Variants in WNT7B observed in about 807,000 individuals in gnomAD.
The protein encoded by WNT7B is Wnt family member 7B.
WNT7B carries 19 observed loss-of-function variants against 38.2 expected under a neutral mutation model. The observed-to-expected ratio is 0.50, with a 90% CI of 0.35 to 0.73. The LOEUF (loss-of-function observed/expected upper bound fraction) is 0.73. Ranked by LOEUF, WNT7B falls within the 30% of genes least tolerant of loss-of-function variation. WNT7B has a pLI of 0.01. For missense variants in WNT7B, 423 were observed against 507.9 expected (o/e 0.83, Z 1.61); for synonymous variants, 243 against 209.3 (o/e 1.16, Z -1.39).
rs1350785229 is a variant in WNT7B, at chr22:45,931,388, G to A, written c.299-19C>T. ...CGGCTCCCTGCGGGGACAGACAGGT[G>A]CAGAAGGTGAGACCCCAGGCCCTGG... is the stretch of plus-strand genomic sequence containing the variant. On this transcript the variant is annotated intron_variant, in intron 2 of 3. Transcript: ENST00000339464. 6.4e-7 allele frequency: 1 copy of A among 1,569,350 alleles called. No individual in the cohort carries two copies. The highest frequency in any genetic ancestry group is 8.6e-7 in the Non-Finnish European group (1 of 1,162,058).
At chr22:45,942,696 G>A (rs1173767538) in intron 2 of WNT7B, among the ~76,000 whole-genome samples, 1 of 152,222 alleles carries the variant, frequency 6.6e-6, no homozygotes, top group African/African-American at 2.4e-5. Flanking sequence ...CACCTCATGG[G>A]GTCCTACGTG....
chr22:45,925,796 A>G (rs761932737), intron 3 of WNT7B: 154 of 984,796 alleles, frequency 1.6e-4, no homozygotes, highest in Non-Finnish European at 1.7e-4. Context: ...GGAGAAGTTC[A>G]CCCCACCCCG....
At chr22:45,931,404 CAGGCCCTGGGCCAGGT>C (rs1473058943) in intron 2 of WNT7B, 35 bp from the exon 3 acceptor site, 2 of 1,546,280 alleles carry the variant, frequency 1.3e-6, no homozygotes, top group East Asian at 4.6e-5. Flanking sequence ...GGTGAGACCC[CAGGCCCTGGGCCAGGT>C]GGGCTCAGGG....
rs1366836361 is a variant in WNT7B at position 45,965,789 on chromosome 22, C to A, written c.71+10895G>T. ...GGAGGCAGCCCCTGCAACCTTGAGACCCTCGCTCAGGGCCCCGGGGACTCT... is the reference window on the plus strand; with the variant it reads ...GGAGGCAGCCCCTGCAACCTTGAGAACCTCGCTCAGGGCCCCGGGGACTCT... On this transcript the variant is annotated intron_variant, in intron 1 of 3. Transcript: ENST00000339464. The surrounding 1 kb of genome is among the most constrained non-coding windows in gnomAD (Gnocchi z 6.5). Among the ~76,000 whole-genome samples the A allele has an allele frequency of 1.3e-5, 2 of 152,228 alleles. No individual in the cohort carries two copies. The highest frequency in any genetic ancestry group is 2.9e-5 in the Non-Finnish European group (2 of 68,032).
rs767458467 is a variant in WNT7B, at chr22:45,923,094, A to G, written c.812T>C (p.Ile271Thr). ...CTCGCAGTAGTTGGGCGACTTCTCAATGTACACCAGGTCTGTCTCCATGGG... is the reference window on the plus strand; with the variant it reads ...CTCGCAGTAGTTGGGCGACTTCTCAGTGTACACCAGGTCTGTCTCCATGGG... ...QKPMETDLVYIEKSPNYCEED... is the reference protein window; with the variant it reads ...QKPMETDLVYTEKSPNYCEED... Residue 271 changes from isoleucine (I) to threonine (T), a missense_variant, in exon 4 of 4, where the codon ATT becomes ACT. Physicochemically the swap from Ile to Thr is moderately conservative, Grantham distance 89. Transcript: ENST00000339464. The G allele has an allele frequency of 2.5e-6, 4 of 1,613,634 alleles. No homozygotes were observed. The highest frequency in any genetic ancestry group is 1.7e-5 in the Admixed American group (1 of 60,032).
Position 45,950,053 on chromosome 22 carries a change from C to T in WNT7B, c.165G>A (p.Arg55=), listed in dbSNP as rs761116915. Residue 55 remains arginine (R), a synonymous_variant, in exon 2 of 4, where the codon CGG becomes CGA. Coordinates refer to ENST00000339464, the MANE Select transcript of WNT7B (RefSeq NM_058238.3). ...CCCCAATCACAATGATGGCATCGGG[C>T]CGACTCTGGCAGATGGCACGCTGCC... ...APRQRAICQS[R]PDAIIVIGEG... is the part of the protein sequence containing the mutation. 6.2e-7 allele frequency: 1 copy of T among 1,614,048 alleles called. No homozygotes were observed.
chr22:45,942,256 G>A lies in WNT7B; in HGVS notation c.298+7664C>T, dbSNP rs1022030391. Among the ~76,000 whole-genome samples, 4 of 152,232 alleles carry A rather than the reference G, an allele frequency of 2.6e-5. No homozygotes were observed. The South Asian group carries it at 8.3e-4, about 31-fold the overall frequency. ...GGTCTCGGTCTAGACAGGACTCAAA[G>A]TGGCTGTTGGGCACAGAAGCTGGAA... is the stretch of plus-strand genomic sequence containing the variant. On this transcript the variant is annotated intron_variant, in intron 2 of 3. Transcript: ENST00000339464.
At chr22:45,961,020 C>A (rs1932184002) in intron 1 of WNT7B, among the ~76,000 whole-genome samples, 1 of 152,192 alleles carries the variant, frequency 6.6e-6, no homozygotes, top group Non-Finnish European at 1.5e-5. Flanking sequence ...TGCAGACTGG[C>A]CAGATGGGTA....
chr22:45,943,940 C>T (rs1407824107), intron 2 of WNT7B, among the ~76,000 whole-genome samples: 1 of 152,196 alleles, frequency 6.6e-6, no homozygotes, highest in Non-Finnish European at 1.5e-5. Flanking sequence ...TGGCCCAGGG[C>T]TCTGGAGCCT....
chr22:45,973,131 G>C (rs1352465881), intron 1 of WNT7B, among the ~76,000 whole-genome samples: 1 of 152,262 alleles, frequency 6.6e-6, no homozygotes, highest in African/African-American at 2.4e-5. Context: ...TCACACAGAG[G>C]CTTCCCCACT....
rs559883479 is a variant in WNT7B at position 45,936,446 on chromosome 22, G to A, written c.299-5077C>T. ...GGCTGGAAACAGCCTCTTCCCCAAG[G>A]CCAGCCCCATCGGCCCTGCCCAGCT... On this transcript the variant is annotated intron_variant, in intron 2 of 3. Transcript: ENST00000339464. Among the ~76,000 whole-genome samples, 11 of 152,334 alleles carry A rather than the reference G, an allele frequency of 7.2e-5. No homozygotes were observed. In the South Asian group the frequency reaches 2.3e-3, roughly 32 times the overall value.
intron 3 of WNT7B, among the ~76,000 whole-genome samples, chr22:45,923,967 C>T (rs1931004934): frequency 6.6e-6 from 1 of 152,198 alleles, no homozygotes. Flanking sequence ...GTTCTTTCTC[C>T]CCAGCTCCAC....
intron 1 of WNT7B, among the ~76,000 whole-genome samples, chr22:45,956,665 C>T (rs1932069382): frequency 6.6e-6 from 1 of 152,192 alleles, no homozygotes; most frequent in Non-Finnish European, 1.5e-5. Context: ...CGTCTGTCAA[C>T]AGGAGGATAG....
intron 2 of WNT7B, among the ~76,000 whole-genome samples, chr22:45,943,655 G>A (rs1266691212): frequency 3.3e-5 from 5 of 152,058 alleles, no homozygotes; most frequent in Non-Finnish European, 7.4e-5. Context: ...GAGAGCCTGC[G>A]GGCTTCTCTG....
chr22:45,970,449 A>T (rs1464110943), intron 1 of WNT7B, among the ~76,000 whole-genome samples: 3 of 151,818 alleles, frequency 2.0e-5, no homozygotes, highest in African/African-American at 7.3e-5. Context: ...CTTGCCCCAG[A>T]GGCCCCTCAC....
intron 3 of WNT7B, among the ~76,000 whole-genome samples, chr22:45,928,865 A>G (rs1372151670): frequency 1.3e-5 from 2 of 151,898 alleles, no homozygotes; most frequent in East Asian, 1.9e-4. Context: ...ACCGCATACC[A>G]CGACATACCA....
intron 1 of WNT7B, among the ~76,000 whole-genome samples, chr22:45,952,552 G>A (rs1213348215): frequency 2.0e-5 from 3 of 152,248 alleles, no homozygotes; most frequent in Admixed American, 1.3e-4. Context: ...AGATGGATGG[G>A]AACCCTGCCG....
At chr22:45,929,948 C>CCATCCTCTCATACATCTACCCACCCATG (rs1569111655) in intron 3 of WNT7B, among the ~76,000 whole-genome samples, 1 of 149,858 alleles carries the variant, frequency 6.7e-6, no homozygotes. Flanking sequence ...ATCCTTCCAT[C>CCATCCTCTCATACATCTACCCACCCATG]CATCCACTCA....
intron 1 of WNT7B, among the ~76,000 whole-genome samples, chr22:45,952,719 C>T (rs1931962225): frequency 6.6e-6 from 1 of 152,204 alleles, no homozygotes; most frequent in African/African-American, 2.4e-5. Context: ...TAGTGTGGAC[C>T]CTGGGGGTGG....
Sources: gnomAD v4.1 joint callset for allele counts (sites outside exome capture counted in the v4.1 genomes callset) on GRCh38, gnomAD v4.1.1 for gene constraint, Gnocchi (gnomAD v3.1) non-coding constraint, MANE v1.5 for transcripts, NCBI Gene and HGNC (gene_info 2026-07-23, HGNC 2026-07-21) for gene names.